RNF138: variants seen among roughly 807,000 people sequenced by gnomAD.
RNF138 encodes the protein ring finger protein 138, also known as E3 ubiquitin-protein ligase RNF138.
In RNF138, 12 loss-of-function variants were observed where a neutral mutation model predicts 31.0. That is an observed-to-expected ratio of 0.39 (90% CI 0.25 to 0.63). RNF138 has a LOEUF of 0.63. RNF138 is among the 20% of genes least tolerant of loss of function. RNF138 has a pLI of 0.52. For synonymous variants in RNF138, 105 were observed against 99.5 expected, an observed-to-expected ratio of 1.06 and a Z score of -0.33; for missense variants, 192 against 300.1, an observed-to-expected ratio of 0.64 and a Z score of 2.66.
rs114759061 is a variant in RNF138 at position 32,111,733 on chromosome 18, G to A, written c.111-21G>A. On this transcript the variant is annotated intron_variant, in intron 2 of 7. Transcript: ENST00000261593. ...GAGAGTAATTTTTTTTGTAATTAAT[G>A]TGTCACAATGTTTGGTTTAGTTTCT... is the stretch of plus-strand genomic sequence containing the variant. 2,229 of 1,591,860 alleles carry A rather than the reference G, an allele frequency of 1.4e-3. 28 individuals are homozygous for A. In the African/African-American group the frequency reaches 0.027, roughly 19 times the overall value.
intron 2 of RNF138, among the ~76,000 whole-genome samples, chr18:32,099,756 G>A (rs1360305736): frequency 1.3e-5 from 2 of 152,174 alleles, no homozygotes; most frequent in African/African-American, 4.8e-5. Context: ...TTTGGAATCA[G>A]ATAATTTGAC....
chr18:32,118,902 T>C (rs1371189003), intron 4 of RNF138, among the ~76,000 whole-genome samples: 1 of 152,212 alleles, frequency 6.6e-6, no homozygotes, highest in Non-Finnish European at 1.5e-5. Flanking sequence ...GTTTAGTCTT[T>C]GGCTGGTTTT....
At chr18:32,128,850 T>A (rs2040426180) in intron 7 of RNF138, among the ~76,000 whole-genome samples, 1 of 152,108 alleles carries the variant, frequency 6.6e-6, no homozygotes, top group Non-Finnish European at 1.5e-5. Flanking sequence ...ATAAAGGCAT[T>A]ATAACACTCA....
intron 4 of RNF138, among the ~76,000 whole-genome samples, chr18:32,121,095 G>T (rs539860894): frequency 1.3e-5 from 2 of 148,336 alleles, no homozygotes; most frequent in African/African-American, 5.0e-5. Flanking sequence ...CGATCGCGCC[G>T]CTGCACTCCA....
chr18:32,096,707 T>C (rs2039812275), intron 2 of RNF138, among the ~76,000 whole-genome samples: 1 of 152,134 alleles, frequency 6.6e-6, no homozygotes, highest in African/African-American at 2.4e-5. Context: ...TCAGAGGCCT[T>C]AGAGTGGTCA....
chr18:32,093,942 C>A (rs576152426), intron 2 of RNF138, among the ~76,000 whole-genome samples: 35 of 152,138 alleles, frequency 2.3e-4, no homozygotes, highest in Middle Eastern at 3.4e-3. Context: ...GCCTGGAAAT[C>A]TTTATTTATT....
intron 7 of RNF138, 63 bp from the exon 8 acceptor site, chr18:32,129,056 T>C: frequency 3.7e-6 from 4 of 1,090,364 alleles, no homozygotes; most frequent in Non-Finnish European, 5.7e-6. Flanking sequence ...TCTAATGTTT[T>C]GGGCAAAGTA....
chr18:32,093,134 C>CGCTCTCCCGCTCTCCA (rs2039736141), intron 2 of RNF138, among the ~76,000 whole-genome samples: 2 of 152,100 alleles, frequency 1.3e-5, no homozygotes, highest in African/African-American at 4.8e-5. Context: ...CCCGCTCTCC[C>CGCTCTCCCGCTCTCCA]GCTCTCCCGC....
chr18:32,097,278 A>G (rs1280673460), intron 2 of RNF138, among the ~76,000 whole-genome samples: 3 of 152,162 alleles, frequency 2.0e-5, no homozygotes, highest in Non-Finnish European at 4.4e-5. Context: ...ACATATAACA[A>G]GTTTGATTCT....
At chr18:32,121,899 G>A (rs112456567) in intron 4 of RNF138, among the ~76,000 whole-genome samples, 5,447 of 151,906 alleles carry the variant, frequency 0.036, 211 homozygotes, top group East Asian at 0.24. Context: ...ACTGAGTTTC[G>A]CTCTTGTTGC....
intron 2 of RNF138, chr18:32,109,546 C>G (rs1246525347): frequency 6.6e-6 from 1 of 152,276 alleles, no homozygotes; most frequent in African/African-American, 2.4e-5. Context: ...GTGGCTAAGA[C>G]TACAGGTACA....
chr18:32,104,005 C>T (rs1250162784), intron 2 of RNF138, among the ~76,000 whole-genome samples: 2 of 145,220 alleles, frequency 1.4e-5, no homozygotes, highest in Non-Finnish European at 3.0e-5. Flanking sequence ...TAGGAATAGG[C>T]TAAAAAACTT....
chr18:32,095,977 G>A (rs181237231), intron 2 of RNF138, among the ~76,000 whole-genome samples: 4 of 152,306 alleles, frequency 2.6e-5, no homozygotes, highest in East Asian at 1.9e-4. Context: ...TTAGGTCAGC[G>A]TTTGTATTCA....
intron 2 of RNF138, among the ~76,000 whole-genome samples, chr18:32,108,993 A>G (rs551965312): frequency 6.6e-6 from 1 of 152,188 alleles, no homozygotes; most frequent in East Asian, 1.9e-4. Flanking sequence ...TGATGGGTAT[A>G]TACTTCAGAG....
intron 4 of RNF138, among the ~76,000 whole-genome samples, chr18:32,114,851 G>A (rs868732433): frequency 2.8e-4 from 43 of 151,920 alleles, no homozygotes; most frequent in Middle Eastern, 3.4e-3. Flanking sequence ...TACATTAGGC[G>A]TCTTCCCTAC....
rs1310014350 is a variant in RNF138, at chr18:32,129,664, T to A, written c.*477T>A. ...GCTAAATGGAATAATCCAAAGGAAA[T>A]TTTTTAAATGCAGGTTCTAGCTGAA... is the stretch of plus-strand genomic sequence containing the variant. On this transcript the variant is annotated 3_prime_UTR_variant, in exon 8 of 8. Transcript: ENST00000261593. The A allele has an allele frequency of 6.6e-6, 1 of 152,636 alleles. No individual in the cohort carries two copies. The highest frequency in any genetic ancestry group is 1.5e-5 in the Non-Finnish European group (1 of 68,058). 9.5% of individuals were successfully genotyped at this position (152,636 alleles called of 1,614,324 possible).
At chr18:32,097,632 A>G (rs1050706719) in intron 2 of RNF138, among the ~76,000 whole-genome samples, 2 of 151,960 alleles carry the variant, frequency 1.3e-5, no homozygotes, top group African/African-American at 2.4e-5. Context: ...TACAGGCACA[A>G]CAAGTAGCTG....
intron 2 of RNF138, among the ~76,000 whole-genome samples, chr18:32,101,581 G>T (rs1021473280): frequency 4.6e-5 from 7 of 151,696 alleles, no homozygotes; most frequent in African/African-American, 1.7e-4. Flanking sequence ...TTTTTTTTAA[G>T]AATTCAAGAT....
At chr18:32,126,893 TTGTATCTTACTGGA>T (rs2040392971) in intron 7 of RNF138, 93 bp downstream of exon 7, 2 of 745,296 alleles carry the variant, frequency 2.7e-6, no homozygotes, top group Non-Finnish European at 4.7e-6. Context: ...TGGCAAGCTG[TTGTATCTTACTGGA>T]TGGATTTAGA....
Sources: allele counts gnomAD v4.1 joint callset (sites outside exome capture counted in the v4.1 genomes callset), GRCh38; gene constraint gnomAD v4.1.1; transcripts MANE v1.5; gene names NCBI Gene and HGNC (gene_info 2026-07-23, HGNC 2026-07-21).